The following SORCS3 variants were observed in gnomAD, a reference collection of about 807,000 sequenced individuals.
SORCS3 encodes the protein VPS10 domain-containing receptor SorCS3.
A neutral mutation model predicts 146.3 loss-of-function variants in SORCS3; 57 were observed. The observed-to-expected ratio is 0.39, with a 90% CI of 0.31 to 0.49. SORCS3 has a LOEUF of 0.49. Among genes scored for constraint, SORCS3 ranks in the 20% least tolerant of loss-of-function variants. The pLI is 0.92. For missense variants in SORCS3, 1,341 were observed against 1,575.5 expected (o/e 0.85, Z 2.52); for synonymous variants, 653 against 618.5 (o/e 1.06, Z -0.83).
chr10:104,731,520 TC>T (rs1246990435), intron 1 of SORCS3, among the ~76,000 whole-genome samples: 1 of 152,128 alleles, frequency 6.6e-6, no homozygotes, highest in African/African-American at 2.4e-5. Context: ...ACTCTGACAT[TC>T]CCCTTCAACT....
chr10:104,924,196 C>G (rs2019116173), intron 3 of SORCS3, among the ~76,000 whole-genome samples: 1 of 152,086 alleles, frequency 6.6e-6, no homozygotes, highest in South Asian at 2.1e-4. Context: ...CTGTGCAGAC[C>G]CTCATTGAAC....
intron 20 of SORCS3, among the ~76,000 whole-genome samples, chr10:105,245,200 G>A (rs539093450): frequency 3.7e-4 from 57 of 152,220 alleles, no homozygotes; most frequent in Non-Finnish European, 3.1e-4. Context: ...CCAGATATTG[G>A]AGGAGAAGGG....
At chr10:105,263,245 A>G (rs141127316) in intron 26 of SORCS3, 65 bp from the exon 27 acceptor site, 24,411 of 1,537,936 alleles carry the variant, frequency 0.016, 229 homozygotes, top group Non-Finnish European at 0.019. Flanking sequence ...GCAGTGAATA[A>G]AACTAAGATC....
intron 3 of SORCS3, among the ~76,000 whole-genome samples, chr10:104,972,233 A>G (rs2054864722): frequency 6.6e-6 from 1 of 152,198 alleles, no homozygotes; most frequent in Non-Finnish European, 1.5e-5. Flanking sequence ...CAGTTTGGAT[A>G]TTATCAGAGT....
intron 4 of SORCS3, among the ~76,000 whole-genome samples, chr10:104,991,382 G>A (rs1483951629): frequency 6.6e-6 from 1 of 152,034 alleles, no homozygotes; most frequent in South Asian, 2.1e-4. Flanking sequence ...TGAAGCCTCT[G>A]TCTTTGGCTT....
intron 2 of SORCS3, among the ~76,000 whole-genome samples, chr10:104,905,397 G>A (rs970784038): frequency 2.6e-5 from 4 of 152,144 alleles, no homozygotes; most frequent in African/African-American, 9.7e-5. Context: ...TTCTATTCTG[G>A]ATGGCCAGTA....
At chr10:105,229,418 CT>C (rs1343970666) in intron 20 of SORCS3, among the ~76,000 whole-genome samples, 2 of 152,016 alleles carry the variant, frequency 1.3e-5, no homozygotes, top group Admixed American at 6.6e-5. Context: ...CTTTTTCTTG[CT>C]TTTTAAAATG....
At chr10:104,687,348 C>T (rs1380819369) in intron 1 of SORCS3, among the ~76,000 whole-genome samples, 1 of 152,162 alleles carries the variant, frequency 6.6e-6, no homozygotes, top group Admixed American at 6.5e-5. Context: ...GCAGCTGCCT[C>T]CATGTAGAAG....
chr10:105,074,498 A>T (rs1486652385), intron 5 of SORCS3, among the ~76,000 whole-genome samples: 3 of 152,216 alleles, frequency 2.0e-5, no homozygotes, highest in African/African-American at 7.2e-5. Context: ...GGCAGTATTC[A>T]AATCATGAAT....
At chr10:105,199,697 C>T (rs995268659) in intron 14 of SORCS3, among the ~76,000 whole-genome samples, 4 of 152,096 alleles carry the variant, frequency 2.6e-5, no homozygotes, top group African/African-American at 4.8e-5. Context: ...TTGGGACTAC[C>T]GGTCCCAATT....
intron 1 of SORCS3, among the ~76,000 whole-genome samples, chr10:104,813,872 G>T (rs1012536144): frequency 7.3e-5 from 11 of 151,082 alleles, no homozygotes; most frequent in African/African-American, 2.2e-4. Flanking sequence ...GTTTCTCTGG[G>T]CAAAGAAAAA....
At chr10:104,758,091 G>T (rs1037099715) in intron 1 of SORCS3, among the ~76,000 whole-genome samples, 2 of 152,176 alleles carry the variant, frequency 1.3e-5, no homozygotes, top group African/African-American at 4.8e-5. Context: ...GAGGAATGAA[G>T]TTTGACTAAG....
At chr10:104,917,556 A>G (rs974587273) in intron 3 of SORCS3, among the ~76,000 whole-genome samples, 1 of 152,320 alleles carries the variant, frequency 6.6e-6, no homozygotes, top group Admixed American at 6.5e-5. Context: ...AACTATAGTC[A>G]TCATGCTCTA....
At chr10:104,885,270 A>G (rs549753562) in intron 2 of SORCS3, among the ~76,000 whole-genome samples, 2 of 152,324 alleles carry the variant, frequency 1.3e-5, no homozygotes, top group South Asian at 2.1e-4. Flanking sequence ...ATCATAAGCC[A>G]TGCCCTTTTC....
intron 1 of SORCS3, among the ~76,000 whole-genome samples, chr10:104,751,963 AT>A (rs1564675447): frequency 3.1e-4 from 33 of 106,502 alleles, no homozygotes; most frequent in African/African-American, 6.5e-4. Context: ...ATATATATAT[AT>A]ATATAATAGT....
intron 14 of SORCS3, among the ~76,000 whole-genome samples, chr10:105,194,592 T>C (rs1169420462): frequency 6.6e-6 from 1 of 152,182 alleles, no homozygotes; most frequent in African/African-American, 2.4e-5. Context: ...GAGAATAAAA[T>C]TTCACGCTCT....
At chr10:105,083,692 A>T (rs957276002) in intron 5 of SORCS3, among the ~76,000 whole-genome samples, 4 of 151,770 alleles carry the variant, frequency 2.6e-5, no homozygotes, top group Non-Finnish European at 5.9e-5. Context: ...TGTTGGCCCA[A>T]CCTCCTTTTT....
At position 105,214,518 on chromosome 10, in the gene SORCS3, G is replaced by A; in HGVS notation, c.2452G>A (p.Gly818Arg). Residue 818 changes from glycine to arginine, a missense_variant, in exon 18 of 27, where the codon GGA becomes AGA. Gly to Arg is a moderately radical substitution (Grantham distance 125, BLOSUM62 -2). Transcript: ENST00000369701. The part of the protein sequence containing the change: ...KYTAKAQMCP[G>R]KAPRGLHVVT... ...CACCGCCAAGGCCCAGATGTGCCCT[G>A]GAAAAGCCCCTCGGGGCCTCCATGT... 6.2e-7 allele frequency: 1 copy of A among 1,614,036 alleles called. No individual in the cohort carries two copies. The highest frequency in any genetic ancestry group is 1.1e-5 in the South Asian group (1 of 91,076).
intron 12 of SORCS3, among the ~76,000 whole-genome samples, chr10:105,166,458 G>T (rs1447345327): frequency 1.3e-5 from 2 of 152,154 alleles, no homozygotes; most frequent in Non-Finnish European, 1.5e-5. Flanking sequence ...AGATATAAAA[G>T]TCATATCTGG....
Sources: allele counts gnomAD v4.1 joint callset (sites outside exome capture counted in the v4.1 genomes callset), GRCh38; gene constraint gnomAD v4.1.1; transcripts MANE v1.5; gene names NCBI Gene and HGNC (gene_info 2026-07-23, HGNC 2026-07-21).